The following GLYATL1 variants were observed in gnomAD, a reference collection of about 807,000 sequenced individuals.
GLYATL1 encodes the protein glycine-N-acyltransferase like 1, also known as glycine N-acyltransferase-like protein 1.
Under a neutral mutation model 20.0 loss-of-function variants are expected in GLYATL1, and 15 were observed. The ratio of observed to expected loss-of-function variants is 0.75; its 90% confidence interval spans 0.50 to 1.15. GLYATL1 has a LOEUF of 1.15. GLYATL1 is among the 50% of genes most tolerant of loss of function. The probability of loss-of-function intolerance (pLI) is 0.00; values close to 1 mark genes in which losing one functional copy is unlikely to be tolerated. For missense variants in GLYATL1, 380 were observed against 368.5 expected (o/e 1.03, Z -0.26); for synonymous variants, 151 against 131.5 (o/e 1.15, Z -1.01).
At chr11:58,950,399 A>G (rs1856907659) in intron 4 of GLYATL1, among the ~76,000 whole-genome samples, 1 of 152,214 alleles carries the variant, frequency 6.6e-6, no homozygotes, top group Admixed American at 6.5e-5. Context: ...GTGAATCAAT[A>G]CAGCACTAAA....
chr11:58,905,716 C>T (rs1041792108), intron 1 of GLYATL1: 140 of 139,400 alleles, frequency 1.0e-3, no homozygotes, highest in African/African-American at 7.1e-3. Context: ...TCGCTGGGAC[C>T]GGGATGGGTC....
At chr11:58,907,108 G>C (rs1420448968) in intron 1 of GLYATL1, 3 of 353,806 alleles carry the variant, frequency 8.5e-6, no homozygotes, top group African/African-American at 6.4e-5. Flanking sequence ...CACCATAATA[G>C]TTTTAGGGTG....
rs551017972 is a variant in GLYATL1 at position 58,919,985 on chromosome 11, T to G, written n.264+14324T>G. 2.6e-5 allele frequency among the ~76,000 whole-genome samples: 4 copies of G among 152,218 alleles called. No individual in the cohort carries two copies. In the South Asian group the frequency reaches 6.2e-4, roughly 24 times the overall value. On this transcript the variant is annotated intron_variant and non_coding_transcript_variant, in intron 1 of 2. Coordinates refer to the GLYATL1 transcript ENST00000534674. Reference sequence around the variant, plus strand: ...CATTCTCCCTCAATGTATTTCCCAGTTTTTTGGGCAAACCAGGCCCTTTCA... The same window carrying G: ...CATTCTCCCTCAATGTATTTCCCAGGTTTTTGGGCAAACCAGGCCCTTTCA...
chr11:58,954,433 T>C (rs1857231332), intron 4 of GLYATL1, among the ~76,000 whole-genome samples: 1 of 152,106 alleles, frequency 6.6e-6, no homozygotes, highest in Admixed American at 6.5e-5. Flanking sequence ...ATATATAAAA[T>C]AGGGTATGTG....
chr11:58,945,734 A>ATT (rs908464226), intron 2 of GLYATL1, among the ~76,000 whole-genome samples: 1 of 149,702 alleles, frequency 6.7e-6, no homozygotes, highest in African/African-American at 2.5e-5. Context: ...GAAAAAGACC[A>ATT]TTTTTTTTTT....
exon 2 of GLYATL1, chr11:58,908,294 C>A (rs1854955894): frequency 6.6e-6 from 1 of 152,282 alleles, no homozygotes; most frequent in South Asian, 2.1e-4. Context: ...ATTTTCTTCT[C>A]AGATATCAGA....
intron 1 of GLYATL1, among the ~76,000 whole-genome samples, chr11:58,940,436 C>G (rs1856056439): frequency 6.6e-6 from 1 of 152,066 alleles, no homozygotes; most frequent in Non-Finnish European, 1.5e-5. Context: ...GTATGTATGT[C>G]TAGATGTGTC....
chr11:58,946,967 A>T, intron 2 of GLYATL1, 79 bp from the exon 3 acceptor site: 1 of 974,260 alleles, frequency 1.0e-6, no homozygotes, highest in East Asian at 2.4e-5. Flanking sequence ...CACGAGTGTT[A>T]CTTGAATGGA....
upstream of GLYATL1, among the ~76,000 whole-genome samples, chr11:58,926,196 A>G (rs1855423706): frequency 1.3e-5 from 2 of 152,186 alleles, no homozygotes; most frequent in African/African-American, 2.4e-5. Flanking sequence ...CAATCTGGAC[A>G]TTGTAGGATA....
intron 1 of GLYATL1, chr11:58,905,759 C>T (rs1854857716): frequency 2.9e-6 from 1 of 341,230 alleles, no homozygotes. Context: ...GGCGGGTGGG[C>T]GCGCAGTCCC....
At chr11:58,947,800 C>T in intron 3 of GLYATL1, 58 bp from the exon 4 acceptor site, 1 of 1,164,060 alleles carries the variant, frequency 8.6e-7, no homozygotes, top group Non-Finnish European at 1.3e-6. Flanking sequence ...CTCTTCACAA[C>T]CAGATCCTCA....
chr11:58,906,081 G>A (rs139127074), intron 1 of GLYATL1, among the ~76,000 whole-genome samples: 5 of 152,318 alleles, frequency 3.3e-5, no homozygotes, highest in African/African-American at 1.2e-4. Flanking sequence ...GCACTAGCAC[G>A]TGCACTGTCT....
exon 1 of GLYATL1, chr11:58,905,518 A>G (rs772441755): frequency 8.8e-6 from 4 of 456,144 alleles, no homozygotes; most frequent in African/African-American, 2.0e-5. Context: ...CCCACTCGCA[A>G]TCAAAAGGCG....
intron 4 of GLYATL1, among the ~76,000 whole-genome samples, chr11:58,949,259 C>T (rs1334222170): frequency 6.6e-6 from 1 of 152,106 alleles, no homozygotes; most frequent in Non-Finnish European, 1.5e-5. Context: ...AATAATAAGC[C>T]ACACCAGGTC....
rs926001657 is a variant in GLYATL1, at chr11:58,955,641, G to A, written c.523G>A (p.Asp175Asn). Residue 175 changes from aspartate (D) to asparagine (N), a missense_variant, in exon 7 of 7, where the codon GAT becomes AAT. Physicochemically the swap from Asp to Asn is conservative, Grantham distance 23. Transcript: ENST00000532726. ...ETPNFKYAQL[D>N]VSYSGLVNDN... is the part of the protein sequence containing the mutation. The stretch of plus-strand genomic sequence containing the variant: ...TCCCAACTTTAAGTATGCCCAGCTG[G>A]ATGTCTCTTATTCTGGGCTGGTAAA... 6.2e-6 allele frequency: 10 copies of A among 1,614,134 alleles called. No homozygotes were observed. Among genetic ancestry groups the A allele is most frequent in the South Asian group, 2.2e-5 (2 of 91,082 alleles).
chr11:58,917,883 G>T (rs530402656), intron 1 of GLYATL1, among the ~76,000 whole-genome samples: 2 of 152,230 alleles, frequency 1.3e-5, no homozygotes, highest in South Asian at 4.2e-4. Context: ...ACTTCACCTG[G>T]GTCCAGGTTT....
chr11:58,907,018 C>T (rs144754175), intron 1 of GLYATL1, among the ~76,000 whole-genome samples: 70 of 152,286 alleles, frequency 4.6e-4, no homozygotes, highest in Non-Finnish European at 7.1e-4. Context: ...AAAGGTTGAT[C>T]TGAGCCAAAC....
intron 1 of GLYATL1, among the ~76,000 whole-genome samples, chr11:58,906,071 G>A (rs1854873618): frequency 6.6e-6 from 1 of 152,214 alleles, no homozygotes; most frequent in African/African-American, 2.4e-5. Flanking sequence ...GGAGCAGCGG[G>A]CACTAGCACG....
chr11:58,955,059 A>G, intron 5 of GLYATL1, 117 bp from the exon 6 acceptor site: 11 of 1,221,226 alleles, frequency 9.0e-6, no homozygotes, highest in Non-Finnish European at 1.3e-5. Context: ...ACTCCATCTG[A>G]CTGTGGTGTA....
Sources: allele counts gnomAD v4.1 joint callset (sites outside exome capture counted in the v4.1 genomes callset), GRCh38; gene constraint gnomAD v4.1.1; transcripts MANE v1.5; gene names NCBI Gene and HGNC (gene_info 2026-07-23, HGNC 2026-07-21).